Variants in FRMD4B observed in about 807,000 individuals in gnomAD.
The protein encoded by FRMD4B is FERM domain-containing protein 4B.
In FRMD4B, 74 loss-of-function variants were observed where a neutral mutation model predicts 141.5. The observed-to-expected ratio is 0.52, with a 90% CI of 0.43 to 0.63. FRMD4B has a LOEUF of 0.63. Ranked by LOEUF, FRMD4B falls within the 30% of genes least tolerant of loss-of-function variation. FRMD4B has a pLI of 0.00. For synonymous variants in FRMD4B, 506 were observed against 467.9 expected, an observed-to-expected ratio of 1.08 and a Z score of -1.05; for missense variants, 1,366 against 1,253.4, an observed-to-expected ratio of 1.09 and a Z score of -1.36.
chr3:69,342,093 C>T (rs1449049650), intron 1 of FRMD4B, among the ~76,000 whole-genome samples: 1 of 152,192 alleles, frequency 6.6e-6, no homozygotes, highest in Non-Finnish European at 1.5e-5. Context: ...CTTGCAAACA[C>T]TTCCCCCCAC....
rs1704742072 is a variant in FRMD4B, at chr3:69,410,722, AATAAATATATATATATATATATATATAT to A, written c.-1+21884_-1+21911del. On this transcript the variant is annotated intron_variant, in intron 2 of 5. Transcript: ENST00000459638. The stretch of plus-strand genomic sequence containing the variant: ...AAAGAAATATATAAATAAATAAATA[AATAAATATATATATATATATATATATAT>A]ATATATATATATATATATATATATT... 3.2e-4 allele frequency among the ~76,000 whole-genome samples: 19 copies of A among 58,540 alleles called. No homozygotes were observed. The South Asian group carries it at 3.9e-3, about 12-fold the overall frequency. 38.4% of individuals were successfully genotyped at this position (58,540 alleles called of 152,430 possible).
intron 4 of FRMD4B, among the ~76,000 whole-genome samples, chr3:69,294,408 C>G (rs781138229): frequency 9.2e-5 from 14 of 152,360 alleles, no homozygotes; most frequent in Middle Eastern, 3.4e-3. Flanking sequence ...ACATCACTTT[C>G]TGCAAGATAT....
intron 5 of FRMD4B, among the ~76,000 whole-genome samples, chr3:69,271,183 C>T (rs995534802): frequency 5.9e-5 from 9 of 152,246 alleles, no homozygotes; most frequent in African/African-American, 2.2e-4. Flanking sequence ...TAAATCACAC[C>T]ATTATGAAAT....
At position 69,253,940 on chromosome 3, in the gene FRMD4B, G is replaced by A. The variant is rs112469304; in HGVS notation, c.502-3841C>T. Reference sequence around the variant, plus strand: ...CTACAAAATATCAAAAATTAGCCAGGTGTGGTGGCTCATGTCTATATTCCC... The same window carrying A: ...CTACAAAATATCAAAAATTAGCCAGATGTGGTGGCTCATGTCTATATTCCC... On this transcript the variant is annotated intron_variant, in intron 5 of 22. Coordinates refer to ENST00000398540, the MANE Select transcript of FRMD4B (RefSeq NM_015123.3). Among the ~76,000 whole-genome samples the A allele has an allele frequency of 9.0e-3, 1,365 of 152,094 alleles. 13 individuals are homozygous for A. The highest frequency in any genetic ancestry group is 0.012 in the Non-Finnish European group (787 of 67,994).
At chr3:69,466,729 C>T (rs1705794104) in intron 1 of FRMD4B, among the ~76,000 whole-genome samples, 1 of 152,198 alleles carries the variant, frequency 6.6e-6, no homozygotes, top group Admixed American at 6.5e-5. Flanking sequence ...GACAGGATCA[C>T]TCTGTCACCC....
intron 4 of FRMD4B, among the ~76,000 whole-genome samples, chr3:69,289,800 A>C (rs554262562): frequency 8.5e-4 from 129 of 152,182 alleles, no homozygotes; most frequent in Non-Finnish European, 1.7e-3. Context: ...ACTCTGTCTC[A>C]AAAATAAAAC....
rs2092816086 is a variant in FRMD4B, at chr3:69,189,771, T to C, written c.1771+125A>G. The C allele has an allele frequency of 6.2e-6, 4 of 645,816 alleles. No homozygotes were observed. The East Asian group carries it at 1.1e-4, about 18-fold the overall frequency. 40.0% of individuals were successfully genotyped at this position (645,816 alleles called of 1,614,324 possible). A position where few individuals can be genotyped will look rare whatever the true frequency, so the allele number is the denominator to read the frequency against. On this transcript the variant is annotated intron_variant, in intron 18 of 22. Transcript: ENST00000398540. ...TCCTTTCCCAACCATTTTGCATAAATGTAAGTTAGTTTATTCTACTTTTTC... is the reference window on the plus strand; with the variant it reads ...TCCTTTCCCAACCATTTTGCATAAACGTAAGTTAGTTTATTCTACTTTTTC...
chr3:69,523,719 G>A (rs1247685248), intron 1 of FRMD4B, among the ~76,000 whole-genome samples: 1 of 152,164 alleles, frequency 6.6e-6, no homozygotes, highest in African/African-American at 2.4e-5. Flanking sequence ...TAAGATTGGG[G>A]TTCTGTTACC....
At position 69,249,266 on chromosome 3, in the gene FRMD4B, A is replaced by C; in HGVS notation, c.559-18T>G. 6.5e-7 allele frequency: 1 copy of C among 1,548,590 alleles called. No individual in the cohort carries two copies. ...TTGGCTTCCTAAAAACAACAAACAAAAACAGAGTTGATCAATATGTATCTT... is the reference window on the plus strand; with the variant it reads ...TTGGCTTCCTAAAAACAACAAACAACAACAGAGTTGATCAATATGTATCTT... On this transcript the variant is annotated intron_variant, in intron 6 of 22. Coordinates refer to ENST00000398540, the MANE Select transcript of FRMD4B (RefSeq NM_015123.3).
chr3:69,348,901 A>G (rs1274695577), intron 1 of FRMD4B, among the ~76,000 whole-genome samples: 2 of 151,318 alleles, frequency 1.3e-5, no homozygotes, highest in Admixed American at 6.6e-5. Context: ...AAAAACTGGA[A>G]GCATTCCCCT....
chr3:69,277,516 C>CTTTTTTTTTTTTTTTTTT (rs55745266), intron 5 of FRMD4B, among the ~76,000 whole-genome samples: 1 of 60,438 alleles, frequency 1.7e-5, no homozygotes, highest in African/African-American at 7.2e-5. Flanking sequence ...TTTCTTTCTG[C>CTTTTTTTTTTTTTTTTTT]TTTTTTTTTT....
chr3:69,211,008 G>C (rs4635709), intron 11 of FRMD4B, among the ~76,000 whole-genome samples: 97,861 of 135,672 alleles, frequency 0.72, 35,827 homozygotes, highest in Non-Finnish European at 0.8. Context: ...ACAAGAGTGA[G>C]TGAAATGCCA....
chr3:69,314,150 A>AC, intron 1 of FRMD4B, among the ~76,000 whole-genome samples: 3 of 125,084 alleles, frequency 2.4e-5, no homozygotes, highest in Non-Finnish European at 4.9e-5. Flanking sequence ...AAAAAAAAAA[A>AC]AAAAAAAAAA....
rs200100852 is a variant in FRMD4B, at chr3:69,479,621, T to C, written c.-128-46860A>G. 4.4e-3 allele frequency among the ~76,000 whole-genome samples: 663 copies of C among 152,298 alleles called. 25 individuals carry two copies. The East Asian group carries it at 0.097, about 22-fold the overall frequency. On this transcript the variant is annotated intron_variant, in intron 1 of 5. Transcript: ENST00000459638. Reference sequence around the variant, plus strand: ...CCCTTTGTGGGTAACCCAACCTTTCTCTCTGGCTGCCCTTAACATTTTTTC... The same window carrying C: ...CCCTTTGTGGGTAACCCAACCTTTCCCTCTGGCTGCCCTTAACATTTTTTC...
At chr3:69,199,603 T>G (rs2092946731) in intron 11 of FRMD4B, among the ~76,000 whole-genome samples, 1 of 152,080 alleles carries the variant, frequency 6.6e-6, no homozygotes, top group Admixed American at 6.5e-5. Flanking sequence ...CTAGCACCAG[T>G]AATTGGGGGC....
In FRMD4B at chr3:69,187,904, G is replaced by A; in HGVS notation, c.1785C>T (p.Phe595=). 1 of 1,581,546 alleles carries A rather than the reference G, an allele frequency of 6.3e-7. No individual in the cohort carries two copies. Among genetic ancestry groups the A allele is most frequent in the South Asian group, 1.1e-5 (1 of 87,526 alleles). ...AACTTGATCGCTGCCCAGGAAAAGT[G>A]AAGGCATCACTGGCTATAATAAGTA... ...TTTYDDPSDA[F]TFPGQRSSSV... Residue 595 remains phenylalanine (F), a synonymous_variant, in exon 19 of 23, where the codon TTC becomes TTT. Coordinates refer to ENST00000398540, the MANE Select transcript of FRMD4B (RefSeq NM_015123.3).
At chr3:69,334,530 GA>G (rs1702481281) in intron 1 of FRMD4B, 1 of 151,956 alleles carries the variant, frequency 6.6e-6, no homozygotes, top group Non-Finnish European at 1.5e-5. Context: ...ATGATCTGGG[GA>G]ATTTAGGGGA....
intron 3 of FRMD4B, among the ~76,000 whole-genome samples, chr3:69,304,200 G>A (rs1016085652): frequency 1.1e-4 from 17 of 151,322 alleles, no homozygotes; most frequent in African/African-American, 2.9e-4. Context: ...AAAAGGCCGG[G>A]CACAGTGGCT....
At chr3:69,358,300 C>T (rs1449295058) in intron 1 of FRMD4B, among the ~76,000 whole-genome samples, 1 of 152,192 alleles carries the variant, frequency 6.6e-6, no homozygotes, top group Non-Finnish European at 1.5e-5. Flanking sequence ...GGGCCTCATG[C>T]TTGGTTTAGT....
Sources: gnomAD v4.1 joint callset for allele counts (sites outside exome capture counted in the v4.1 genomes callset) on GRCh38, gnomAD v4.1.1 for gene constraint, MANE v1.5 for transcripts, NCBI Gene and HGNC (gene_info 2026-07-23, HGNC 2026-07-21) for gene names.